The following NID1 variants were observed in gnomAD, a reference collection of about 807,000 sequenced individuals.
The protein encoded by NID1 is nidogen 1.
Under a neutral mutation model 130.6 loss-of-function variants are expected in NID1, and 76 were observed. That is an observed-to-expected ratio of 0.58 (90% CI 0.48 to 0.70). The LOEUF is 0.70. Among genes scored for constraint, NID1 ranks in the 30% least tolerant of loss-of-function variants. The pLI is 0.00. For missense variants in NID1, 1,517 were observed against 1,664.8 expected (o/e 0.91, Z 1.54); for synonymous variants, 665 against 675.1 (o/e 0.98, Z 0.23).
chr1:235,975,840 T>TA lies in NID1; in HGVS notation c.*2026dup, dbSNP rs1020843677. 1 of 152,554 alleles carries TA rather than the reference T, an allele frequency of 6.6e-6. No homozygotes were observed. The highest frequency in any genetic ancestry group is 6.6e-5 in the Admixed American group (1 of 15,262). The allele number at this position is 152,554 out of a possible 1,614,324, so 9.5% of individuals were successfully genotyped here. A position where few individuals can be genotyped will look rare whatever the true frequency, so the allele number is the denominator to read the frequency against. ...AAAGATAGAGGAAGATTTTCTTTTT[T>TA]AAAAAAAGTTTATTTTCCACACTAT... On this transcript the variant is annotated 3_prime_UTR_variant, in exon 20 of 20. Transcript: ENST00000264187.
chr1:236,039,034 A>G (rs922695688), intron 4 of NID1, among the ~76,000 whole-genome samples: 2 of 131,182 alleles, frequency 1.5e-5, no homozygotes, highest in South Asian at 2.3e-4. Context: ...TATATTATAT[A>G]ATATATATTT....
intron 12 of NID1, among the ~76,000 whole-genome samples, chr1:235,998,954 T>C (rs992290027): frequency 3.3e-5 from 5 of 152,182 alleles, no homozygotes; most frequent in African/African-American, 1.2e-4. Flanking sequence ...GGTGGCTCAG[T>C]TCTAACGAGA....
chr1:235,979,178 C>T lies in NID1; in HGVS notation c.3510-71G>A. ...TGAACTTGTATCTAAACAAGGCAGCCTCTTTGTCATTTTGAGGATAAACTG... is the reference window on the plus strand; with the variant it reads ...TGAACTTGTATCTAAACAAGGCAGCTTCTTTGTCATTTTGAGGATAAACTG... On this transcript the variant is annotated intron_variant, in intron 18 of 19. Transcript: ENST00000264187. This position sits in a 1 kb window ranked among gnomAD's most constrained non-coding sequence, Gnocchi z 4.6. The T allele has an allele frequency of 1.0e-6, 1 of 975,604 alleles. No homozygotes were observed. Among genetic ancestry groups the T allele is most frequent in the Non-Finnish European group, 1.6e-6 (1 of 614,264 alleles). 60.4% of individuals were successfully genotyped at this position (975,604 alleles called of 1,614,324 possible).
chr1:236,026,245 C>T, intron 7 of NID1, 104 bp from the exon 8 acceptor site: 1 of 1,446,074 alleles, frequency 6.9e-7, no homozygotes, highest in African/African-American at 1.4e-5. Context: ...CAGTGGTATT[C>T]CCTGCCCATA....
intron 8 of NID1, 145 bp from the exon 9 acceptor site, chr1:236,024,358 G>T: frequency 1.0e-6 from 1 of 964,980 alleles, no homozygotes; most frequent in Non-Finnish European, 1.5e-6. Flanking sequence ...CAATTCCTGT[G>T]TTGCCCTGGG....
intron 6 of NID1, 88 bp from the exon 7 acceptor site, chr1:236,029,838 T>G: frequency 1.6e-6 from 2 of 1,283,312 alleles, no homozygotes; most frequent in Non-Finnish European, 2.2e-6. Flanking sequence ...GTGGGGTTGG[T>G]GCGAACGCTT....
At chr1:236,001,073 A>G (rs1263556764) in intron 12 of NID1, among the ~76,000 whole-genome samples, 1 of 151,526 alleles carries the variant, frequency 6.6e-6, no homozygotes, top group Non-Finnish European at 1.5e-5. Context: ...ACTCAGGTGC[A>G]GTGAACAGTC....
At chr1:236,006,282 C>A (rs939629515) in intron 12 of NID1, among the ~76,000 whole-genome samples, 1 of 152,128 alleles carries the variant, frequency 6.6e-6, no homozygotes, top group Admixed American at 6.5e-5. Flanking sequence ...CACCATTTGA[C>A]CCTCCCTAGA....
At position 235,982,238 on chromosome 1, in the gene NID1, G is replaced by A. The variant is rs185715096; in HGVS notation, c.3056-456C>T. On this transcript the variant is annotated intron_variant, in intron 15 of 19. Coordinates refer to ENST00000264187, the MANE Select transcript of NID1 (RefSeq NM_002508.3). ...CCTGGATGAGGGCTTTTTAGGTAGC[G>A]AGACTGGCACATAGGTATAAAGGAA... Among the ~76,000 whole-genome samples the A allele has an allele frequency of 2.4e-4, 37 of 152,288 alleles. No homozygotes were observed. The South Asian group carries it at 7.7e-3, about 32-fold the overall frequency.
intron 2 of NID1, among the ~76,000 whole-genome samples, chr1:236,046,753 A>G (rs1558447510): frequency 6.6e-6 from 1 of 152,236 alleles, no homozygotes; most frequent in Non-Finnish European, 1.5e-5. Context: ...ACCCAAGTGA[A>G]AGGGAGGCAG....
intron 12 of NID1, among the ~76,000 whole-genome samples, chr1:236,007,240 T>C (rs1425945519): frequency 6.6e-6 from 1 of 152,150 alleles, no homozygotes; most frequent in Non-Finnish European, 1.5e-5. Context: ...TGCTATGTTG[T>C]CCAGGGTGTT....
chr1:236,026,044 G>T lies in NID1; in HGVS notation c.1836C>A (p.Thr612=), dbSNP rs1395813529. ...SRIYTYQWRQ[T]ITFQECVHDD... is the part of the protein sequence containing the mutation. Reference sequence around the variant, plus strand: ...CGTGGACGCATTCCTGGAAGGTGATGGTCTGGCGCCACTGGTAAGTGTAGA... The same window carrying T: ...CGTGGACGCATTCCTGGAAGGTGATTGTCTGGCGCCACTGGTAAGTGTAGA... Residue 612 remains threonine, a synonymous_variant, in exon 8 of 20, where the codon ACC becomes ACA. Transcript: ENST00000264187. The T allele has an allele frequency of 6.2e-7, 1 of 1,613,694 alleles. No individual in the cohort carries two copies. Among genetic ancestry groups the T allele is most frequent in the African/African-American group, 1.3e-5 (1 of 74,802 alleles).
In NID1 at chr1:236,038,111, A is replaced by G; in HGVS notation, c.1278T>C (p.Val426=). 1 of 1,597,864 alleles carries G rather than the reference A, an allele frequency of 6.3e-7. No homozygotes were observed. The highest frequency in any genetic ancestry group is 1.1e-5 in the South Asian group (1 of 90,180). Reference sequence around the variant, plus strand: ...CATAGAAAAGCAAATTACCTTCTGCAACACATTGCCTGCCATTGCCCGTAT... The same window carrying G: ...CATAGAAAAGCAAATTACCTTCTGCGACACATTGCCTGCCATTGCCCGTAT... ...AGYTGNGRQC[V]AEGSPQRVNG... Residue 426 remains valine, a synonymous_variant, in exon 5 of 20, where the codon GTT becomes GTC. Coordinates refer to ENST00000264187, the MANE Select transcript of NID1 (RefSeq NM_002508.3).
At position 235,978,186 on chromosome 1, in the gene NID1, C is replaced by T. The variant is rs148357934; in HGVS notation, c.3623-198G>A. Among the ~76,000 whole-genome samples, 17 of 152,304 alleles carry T rather than the reference C, an allele frequency of 1.1e-4. No homozygotes were observed. The East Asian group carries it at 3.3e-3, about 29-fold the overall frequency. The stretch of plus-strand genomic sequence containing the variant: ...ATTGTTTGTTTTATCAGCATTAAAC[C>T]AGACACAAACACTGATTCCCAACTT... On this transcript the variant is annotated intron_variant, in intron 19 of 19. Coordinates refer to ENST00000264187, the MANE Select transcript of NID1 (RefSeq NM_002508.3).
chr1:235,988,335 C>T (rs1036717191), intron 14 of NID1, among the ~76,000 whole-genome samples: 40 of 152,148 alleles, frequency 2.6e-4, no homozygotes, highest in African/African-American at 9.7e-4. Context: ...AAAACCACTT[C>T]ACACCCGTTA....
At chr1:236,032,712 G>A (rs531484145) in intron 5 of NID1, 60 bp from the exon 6 acceptor site, 9 of 1,592,030 alleles carry the variant, frequency 5.7e-6, no homozygotes, top group East Asian at 4.5e-5. Context: ...TTTCAAACAC[G>A]AGTAATATGT....
At position 235,993,646 on chromosome 1, in the gene NID1, C is replaced by G; in HGVS notation, c.2754G>C (p.Pro918=). The change falls in exon 13 of 20, where the codon CCG becomes CCC. Residue 918 remains proline, a splice_region_variant and synonymous_variant. Transcript: ENST00000264187. ...CAAGCACGGCCTGCACCCACTTACA[C>G]GGGGGCGTCATCCCGGGCCTGGTCC... ...GTRTRPGMTP[P]CLSTVAPPIH... 3 of 1,541,640 alleles carry G rather than the reference C, an allele frequency of 1.9e-6. No homozygotes were observed. The highest frequency in any genetic ancestry group is 1.8e-6 in the Non-Finnish European group (2 of 1,136,666).
chr1:235,995,776 C>T (rs1657902135), intron 12 of NID1, among the ~76,000 whole-genome samples: 1 of 152,218 alleles, frequency 6.6e-6, no homozygotes, highest in Admixed American at 6.5e-5. Context: ...GTGATCTGGG[C>T]TTGCCCACAC....
Position 235,979,537 on chromosome 1 carries a change from C to A in NID1, c.3509+285G>T, listed in dbSNP as rs16833027. On this transcript the variant is annotated intron_variant, in intron 18 of 19. Transcript: ENST00000264187. This position sits in a 1 kb window ranked among gnomAD's most constrained non-coding sequence, Gnocchi z 4.6. ...GGCCAACTCCTGGGGAAAGAACAGACGTGCTGAGGAAGTCCAGGTTTAAAG... is the reference window on the plus strand; with the variant it reads ...GGCCAACTCCTGGGGAAAGAACAGAAGTGCTGAGGAAGTCCAGGTTTAAAG... Among the ~76,000 whole-genome samples the A allele has an allele frequency of 1.3e-5, 2 of 152,218 alleles. No individual in the cohort carries two copies. The highest frequency in any genetic ancestry group is 2.9e-5 in the Non-Finnish European group (2 of 68,044).
Sources: gnomAD v4.1 joint callset for allele counts (sites outside exome capture counted in the v4.1 genomes callset) on GRCh38, gnomAD v4.1.1 for gene constraint, Gnocchi (gnomAD v3.1) non-coding constraint, MANE v1.5 for transcripts, NCBI Gene and HGNC (gene_info 2026-07-23, HGNC 2026-07-21) for gene names.